The following ELP4 variants were observed in gnomAD, a reference collection of about 807,000 sequenced individuals.
ELP4 encodes the protein elongator acetyltransferase complex subunit 4, also known as elongator complex protein 4.
ELP4 carries 51 observed loss-of-function variants against 48.9 expected under a neutral mutation model. The ratio of observed to expected loss-of-function variants is 1.04; its 90% CI spans 0.83 to 1.32. The LOEUF is 1.32. ELP4 is among the 40% of genes most tolerant of loss of function. The pLI is 0.00. For synonymous variants in ELP4, 210 were observed against 189.2 expected (o/e 1.11, Z -0.90); for missense variants, 519 against 514.6 (o/e 1.01, Z -0.08).
intron 3 of ELP4, among the ~76,000 whole-genome samples, chr11:31,574,208 C>G (rs553579330): frequency 2.6e-5 from 4 of 152,162 alleles, no homozygotes; most frequent in Non-Finnish European, 5.9e-5. Flanking sequence ...AGTCTGAGAT[C>G]GAACTGCAAG....
At position 31,761,405 on chromosome 11, in the gene ELP4, C is replaced by G. The variant is rs147958729; in HGVS notation, c.1144-21988C>G. The stretch of plus-strand genomic sequence containing the variant: ...AACAATTACTCATTTTTTAACTATA[C>G]CCAAGATTGAACTTTAATATTTTAA... On this transcript the variant is annotated intron_variant, in intron 9 of 9. Transcript: ENST00000640961. Among the ~76,000 whole-genome samples the G allele has an allele frequency of 4.8e-4, 73 of 151,088 alleles. 1 individual carries two copies. The East Asian group carries it at 0.014, about 28-fold the overall frequency.
Position 31,789,152 on chromosome 11 carries a change from G to A in ELP4, c.*5628G>A, listed in dbSNP as rs910742968. 2.0e-5 allele frequency: 4 copies of A among 203,342 alleles called. No homozygotes were observed. The highest frequency in any genetic ancestry group is 6.0e-5 in the Admixed American group (1 of 16,736). 12.6% of individuals were successfully genotyped at this position (203,342 alleles called of 1,614,324 possible). A position where few individuals can be genotyped will look rare whatever the true frequency, so the allele number is the denominator to read the frequency against. On this transcript the variant is annotated 3_prime_UTR_variant, in exon 10 of 10. Coordinates refer to ENST00000640961, the MANE Select transcript of ELP4 (RefSeq NM_019040.5). ...AACTTTTGCTGGCCAAAAAAGAAAC[G>A]TATGATTGCATGAAAATGTGTATAA...
chr11:31,736,942 T>G (rs1947333192), intron 9 of ELP4, among the ~76,000 whole-genome samples: 1 of 152,222 alleles, frequency 6.6e-6, no homozygotes, highest in Non-Finnish European at 1.5e-5. Flanking sequence ...AGAAATACCA[T>G]TTGACCCAGC....
At chr11:31,709,026 A>T (rs1001662429) in intron 9 of ELP4, among the ~76,000 whole-genome samples, 1 of 152,132 alleles carries the variant, frequency 6.6e-6, no homozygotes, top group African/African-American at 2.4e-5. Context: ...TAATTCTATG[A>T]CAGGAGGTCC....
At chr11:31,685,244 G>A (rs911826046) in intron 9 of ELP4, among the ~76,000 whole-genome samples, 1 of 152,084 alleles carries the variant, frequency 6.6e-6, no homozygotes, top group Non-Finnish European at 1.5e-5. Context: ...CCAGCTACTT[G>A]GGAGGCTGAG....
intron 1 of ELP4, among the ~76,000 whole-genome samples, chr11:31,517,290 T>G (rs963962239): frequency 2.6e-5 from 4 of 151,870 alleles, no homozygotes; most frequent in Non-Finnish European, 5.9e-5. Flanking sequence ...TTCAAGTGAT[T>G]CTCCTGCCTC....
chr11:31,668,027 A>G (rs1173404621), intron 9 of ELP4, among the ~76,000 whole-genome samples: 7 of 152,192 alleles, frequency 4.6e-5, no homozygotes, highest in Non-Finnish European at 7.4e-5. Context: ...TCTAATCAGA[A>G]GAATTCATAT....
intron 3 of ELP4, among the ~76,000 whole-genome samples, chr11:31,552,367 C>A (rs1301511714): frequency 6.6e-6 from 1 of 152,132 alleles, no homozygotes; most frequent in African/African-American, 2.4e-5. Context: ...CTATCCAGAG[C>A]TGCTATTGCC....
chr11:31,631,983 C>CT (rs1944870698), intron 6 of ELP4, among the ~76,000 whole-genome samples: 1 of 151,856 alleles, frequency 6.6e-6, no homozygotes, highest in African/African-American at 2.4e-5. Context: ...CAATTTAAAG[C>CT]TTAAGGCTTA....
chr11:31,525,264 A>G (rs1956279362), intron 2 of ELP4, among the ~76,000 whole-genome samples: 1 of 152,198 alleles, frequency 6.6e-6, no homozygotes, highest in Non-Finnish European at 1.5e-5. Flanking sequence ...TTAGAGTAGT[A>G]GAACTTTGTT....
intron 9 of ELP4, among the ~76,000 whole-genome samples, chr11:31,756,555 T>C (rs1295052365): frequency 2.0e-5 from 3 of 152,176 alleles, no homozygotes; most frequent in Admixed American, 1.3e-4. Context: ...TCTGTTAAAG[T>C]CTCTCTTTAA....
At position 31,545,674 on chromosome 11, in the gene ELP4, C is replaced by T. The variant is rs530929668; in HGVS notation, c.381+5891C>T. Among the ~76,000 whole-genome samples, 12 of 152,066 alleles carry T rather than the reference C, an allele frequency of 7.9e-5. 1 individual carries two copies. In the East Asian group the frequency reaches 1.2e-3, roughly 15 times the overall value. On this transcript the variant is annotated intron_variant, in intron 3 of 9. Coordinates refer to ENST00000640961, the MANE Select transcript of ELP4 (RefSeq NM_019040.5). ...CCTCGAGAGGAGCAACTGCAAGACACGTAATTGTCAGATTCATCAAAGTTG... is the reference window on the plus strand; with the variant it reads ...CCTCGAGAGGAGCAACTGCAAGACATGTAATTGTCAGATTCATCAAAGTTG...
intron 3 of ELP4, among the ~76,000 whole-genome samples, chr11:31,547,679 A>G (rs1216405754): frequency 6.6e-5 from 10 of 152,154 alleles, no homozygotes; most frequent in Non-Finnish European, 1.5e-4. Context: ...CAGAGACACA[A>G]CCAAAAAAGA....
chr11:31,668,390 A>G (rs1462672254), intron 9 of ELP4, among the ~76,000 whole-genome samples: 1 of 152,158 alleles, frequency 6.6e-6, no homozygotes, highest in African/African-American at 2.4e-5. Flanking sequence ...CTCCTGTGAC[A>G]GATTAACACT....
intron 7 of ELP4, chr11:31,632,973 T>C (rs1412184544): frequency 1.3e-5 from 2 of 152,064 alleles, no homozygotes; most frequent in Non-Finnish European, 2.9e-5. Context: ...AAGCATGTGA[T>C]TTCATATAAT....
At chr11:31,521,169 T>C (rs949195618) in intron 2 of ELP4, among the ~76,000 whole-genome samples, 1 of 152,122 alleles carries the variant, frequency 6.6e-6, no homozygotes, top group Admixed American at 6.5e-5. Context: ...GAAAACGTTA[T>C]ATAGAACATT....
chr11:31,736,612 A>G (rs1445082261), intron 9 of ELP4, among the ~76,000 whole-genome samples: 1 of 152,220 alleles, frequency 6.6e-6, no homozygotes, highest in East Asian at 1.9e-4. Flanking sequence ...TCTACAATGA[A>G]CTCAAACAAA....
intron 9 of ELP4, among the ~76,000 whole-genome samples, chr11:31,656,438 C>T (rs1039709446): frequency 1.3e-5 from 2 of 151,772 alleles, no homozygotes; most frequent in African/African-American, 2.4e-5. Context: ...GTCATCAACA[C>T]GTAGGATATG....
chr11:31,585,647 A>G (rs569489084), intron 3 of ELP4, among the ~76,000 whole-genome samples: 4 of 152,332 alleles, frequency 2.6e-5, no homozygotes, highest in African/African-American at 9.6e-5. Context: ...TCAAGAAAAT[A>G]AAATCACAAA....
Sources: gnomAD v4.1 joint callset for allele counts (sites outside exome capture counted in the v4.1 genomes callset) on GRCh38, gnomAD v4.1.1 for gene constraint, MANE v1.5 for transcripts, NCBI Gene and HGNC (gene_info 2026-07-23, HGNC 2026-07-21) for gene names.